The following NCAM1 variants were observed in gnomAD, a reference collection of about 807,000 sequenced individuals.
NCAM1 encodes the protein neural cell adhesion molecule 1, also known as antigen recognized by monoclonal antibody 5.1H11.
In NCAM1, 14 loss-of-function variants were observed where a neutral mutation model predicts 109.8. The observed-to-expected ratio is 0.13, with a 90% CI of 0.08 to 0.20. The LOEUF (loss-of-function observed/expected upper bound fraction) is 0.20. NCAM1 is among the 10% of genes least tolerant of loss of function. The pLI, the probability that NCAM1 is intolerant of heterozygous loss-of-function variation, is 1.00. For missense variants in NCAM1, 774 were observed against 1,109.9 expected, an observed-to-expected ratio of 0.70 and a Z score of 4.30; for synonymous variants, 418 against 442.9, an observed-to-expected ratio of 0.94 and a Z score of 0.70.
chr11:113,034,977 A>C (rs1293820155), intron 1 of NCAM1, among the ~76,000 whole-genome samples: 1 of 152,216 alleles, frequency 6.6e-6, no homozygotes, highest in Non-Finnish European at 1.5e-5. Context: ...CCTTGAATCA[A>C]CACTCTCGAG....
chr11:113,275,144 T>C (rs781942534), intron 19 of NCAM1, 123 bp from the exon 20 acceptor site: 10 of 1,308,342 alleles, frequency 7.6e-6, no homozygotes, highest in Non-Finnish European at 9.3e-6. Flanking sequence ...CGGGCAGAGG[T>C]TGGAGCCGGG....
At chr11:113,132,603 CATGTGTGTGTGT>C (rs1334390570) in intron 1 of NCAM1, among the ~76,000 whole-genome samples, 1,784 of 108,734 alleles carry the variant, frequency 0.016, 35 homozygotes, top group African/African-American at 0.068. Context: ...TATTAGGAAG[CATGTGTGTGTGT>C]GTGTGTGTGT....
At chr11:113,238,974 T>A (rs1445558024) in intron 14 of NCAM1, among the ~76,000 whole-genome samples, 1 of 152,234 alleles carries the variant, frequency 6.6e-6, no homozygotes, top group Non-Finnish European at 1.5e-5. Flanking sequence ...TGAAGTTCGT[T>A]GAGATGTCTC....
intron 1 of NCAM1, among the ~76,000 whole-genome samples, chr11:112,998,652 CG>C (rs1267404866): frequency 6.6e-6 from 1 of 152,056 alleles, no homozygotes; most frequent in Non-Finnish European, 1.5e-5. Flanking sequence ...AAACAACTCT[CG>C]ACACTAAGAT....
At chr11:113,262,250 G>A (rs1374508643) in intron 17 of NCAM1, among the ~76,000 whole-genome samples, 1 of 152,224 alleles carries the variant, frequency 6.6e-6, no homozygotes, top group East Asian at 1.9e-4. Flanking sequence ...GCCATAGGAA[G>A]AAAAGCCTGC....
rs1945060514 is a variant in NCAM1 at position 113,233,144 on chromosome 11, C to T, written c.1523-3C>T. 1.9e-6 allele frequency: 3 copies of T among 1,611,450 alleles called. No homozygotes were observed. Among genetic ancestry groups the T allele is most frequent in the Non-Finnish European group, 2.5e-6 (3 of 1,179,268 alleles). Reference sequence around the variant, plus strand: ...TGAGTCTCCATATGTGTCTTCCCCACAGACACCCCCTCTTCACCATCCATC... The same window carrying T: ...TGAGTCTCCATATGTGTCTTCCCCATAGACACCCCCTCTTCACCATCCATC... On this transcript the variant is annotated splice_polypyrimidine_tract_variant and splice_region_variant and intron_variant, in intron 12 of 19. Transcript: ENST00000316851. The surrounding 1 kb of genome is among the most constrained non-coding windows in gnomAD (Gnocchi z 4.5).
intron 1 of NCAM1, among the ~76,000 whole-genome samples, chr11:113,110,856 A>G (rs1043399071): frequency 6.6e-6 from 1 of 152,104 alleles, no homozygotes; most frequent in African/African-American, 2.4e-5. Flanking sequence ...GTCCTTTCCT[A>G]TTGGGATACC....
rs1946428183 is a variant in NCAM1 at position 113,277,796 on chromosome 11, C to T, written c.*2409C>T. 7.2e-6 allele frequency: 1 copy of T among 138,984 alleles called. No homozygotes were observed. The highest frequency in any genetic ancestry group is 2.7e-4 in the South Asian group (1 of 3,740). 8.6% of individuals were successfully genotyped at this position (138,984 alleles called of 1,614,324 possible). ...CCTAAGACTCTGCCCACATTTTGGT[C>T]TGTTCTCTCCCATTACACATAGGTT... On this transcript the variant is annotated 3_prime_UTR_variant, in exon 20 of 20. Transcript: ENST00000316851.
chr11:113,142,248 A>G (rs1180980989), intron 1 of NCAM1, among the ~76,000 whole-genome samples: 2 of 152,146 alleles, frequency 1.3e-5, no homozygotes, highest in African/African-American at 4.8e-5. Context: ...GAGACACGGA[A>G]GGGTAAATTT....
chr11:113,175,766 A>T (rs1943125567), intron 1 of NCAM1, among the ~76,000 whole-genome samples: 1 of 152,236 alleles, frequency 6.6e-6, no homozygotes, highest in Non-Finnish European at 1.5e-5. Context: ...CTGTGTCCCT[A>T]TATTTATAAT....
At position 113,273,371 on chromosome 11, in the gene NCAM1, G is replaced by A. The variant is rs1182622181; in HGVS notation, c.2456+1495G>A. On this transcript the variant is annotated intron_variant, in intron 19 of 19. Coordinates refer to ENST00000316851, the MANE Select transcript of NCAM1 (RefSeq NM_181351.5). The surrounding 1 kb of genome is among the most constrained non-coding windows in gnomAD (Gnocchi z 6.0). ...CCACCCCTGCACCAGTCCCCACCCC[G>A]ACTGGGGCAGCCAGTCCTCTAGCAG... 5 of 322,598 alleles carry A rather than the reference G, an allele frequency of 1.5e-5. No individual in the cohort carries two copies. Among genetic ancestry groups the A allele is most frequent in the East Asian group, 8.4e-5 (1 of 11,972 alleles). The allele number at this position is 322,598 out of a possible 1,614,324, so 20.0% of individuals were successfully genotyped here. A position where few individuals can be genotyped will look rare whatever the true frequency, so the allele number is the denominator to read the frequency against.
At chr11:113,087,495 G>A (rs1338112803) in intron 1 of NCAM1, among the ~76,000 whole-genome samples, 4 of 152,290 alleles carry the variant, frequency 2.6e-5, no homozygotes, top group African/African-American at 9.6e-5. Context: ...AGTTGCTACA[G>A]ATCTTCAGCA....
Position 113,206,057 on chromosome 11 carries a change from C to G in NCAM1, c.505C>G (p.Leu169Val). ...ILKKDVRFIV[L>V]SNNYLQIRGI... Reference sequence around the variant, plus strand: ...ATCTCTTCTAGTCCGATTCATAGTCCTGTCCAACAACTACCTGCAGATCCG... The same window carrying G: ...ATCTCTTCTAGTCCGATTCATAGTCGTGTCCAACAACTACCTGCAGATCCG... Residue 169 changes from leucine (L) to valine (V), a missense_variant, in exon 5 of 20, where the codon CTG becomes GTG. By Grantham distance (32) the Leu-to-Val change is conservative (BLOSUM62 1). This residue lies in a region of NCAM1 where 523 missense variants were observed against 784.2 expected (regional missense o/e 0.67). Coordinates refer to ENST00000316851, the MANE Select transcript of NCAM1 (RefSeq NM_181351.5). 2 of 1,613,964 alleles carry G rather than the reference C, an allele frequency of 1.2e-6. No individual in the cohort carries two copies. The highest frequency in any genetic ancestry group is 1.1e-5 in the South Asian group (1 of 91,088).
chr11:113,007,639 G>C (rs1396875090), intron 1 of NCAM1, among the ~76,000 whole-genome samples: 1 of 152,208 alleles, frequency 6.6e-6, no homozygotes, highest in Non-Finnish European at 1.5e-5. Flanking sequence ...GTTACTCAGA[G>C]CCACACAGTG....
chr11:113,210,106 C>G (rs564417270), intron 7 of NCAM1, among the ~76,000 whole-genome samples: 1 of 152,218 alleles, frequency 6.6e-6, no homozygotes, highest in South Asian at 2.1e-4. Context: ...TATGATGAAG[C>G]AAACATACAT....
intron 1 of NCAM1, among the ~76,000 whole-genome samples, chr11:113,096,483 C>A (rs1018168904): frequency 6.6e-6 from 1 of 151,928 alleles, no homozygotes; most frequent in Non-Finnish European, 1.5e-5. Flanking sequence ...CAGGTTAATG[C>A]GGACAGTGGG....
intron 3 of NCAM1, 27 bp from the exon 4 acceptor site, chr11:113,205,496 T>C (rs1208874746): frequency 6.3e-7 from 1 of 1,596,244 alleles, no homozygotes. Flanking sequence ...GCAGCTGTTT[T>C]CCCTCACTCT....
chr11:113,124,348 T>A (rs186201149), intron 1 of NCAM1, among the ~76,000 whole-genome samples: 1 of 152,298 alleles, frequency 6.6e-6, no homozygotes, highest in East Asian at 1.9e-4. Flanking sequence ...CCCATCTCTT[T>A]GACCTTAGCT....
chr11:113,066,918 G>A (rs1169929069), intron 1 of NCAM1, among the ~76,000 whole-genome samples: 1 of 151,252 alleles, frequency 6.6e-6, no homozygotes, highest in Non-Finnish European at 1.5e-5. Flanking sequence ...GCAGGAGAAT[G>A]GTGTGAACCC....
Sources: gnomAD v4.1 joint callset for allele counts (sites outside exome capture counted in the v4.1 genomes callset) on GRCh38, gnomAD v4.1.1 for gene constraint, gnomAD v4.1.1 regional missense constraint, Gnocchi (gnomAD v3.1) non-coding constraint, MANE v1.5 for transcripts, NCBI Gene and HGNC (gene_info 2026-07-23, HGNC 2026-07-21) for gene names.